Variants in LSAMP observed in about 807,000 individuals in gnomAD.
The protein encoded by LSAMP is limbic system-associated membrane protein.
A neutral mutation model predicts 38.6 loss-of-function variants in LSAMP; 7 were observed. The ratio of observed to expected loss-of-function variants is 0.18; its 90% CI spans 0.10 to 0.34. The LOEUF is 0.34. LSAMP is among the 10% of genes least tolerant of loss of function. The probability of loss-of-function intolerance (pLI) is 1.00; values close to 1 mark genes in which losing one functional copy is unlikely to be tolerated. For synonymous variants in LSAMP, 154 were observed against 166.8 expected (o/e 0.92, Z 0.59); for missense variants, 313 against 420.0 (o/e 0.75, Z 2.23).
In LSAMP at chr3:116,301,801, T is replaced by TATAG. The variant is rs938568954; in HGVS notation, c.155+143072_155+143075dup. 7.3e-4 allele frequency among the ~76,000 whole-genome samples: 111 copies of TATAG among 152,336 alleles called. 2 individuals are homozygous for TATAG. The highest frequency in any genetic ancestry group is 3.9e-4 in the Admixed American group (6 of 15,302). On this transcript the variant is annotated intron_variant, in intron 1 of 6. Coordinates refer to ENST00000490035, the MANE Select transcript of LSAMP (RefSeq NM_002338.5). Reference sequence around the variant, plus strand: ...ACTTATAAAGATAATAGTTTTTTTCTATAGATAGAGCAAGCAAGATATTTT... The same window carrying TATAG: ...ACTTATAAAGATAATAGTTTTTTTCTATAGATAGATAGAGCAAGCAAGATATTTT...
chr3:116,184,002 A>C (rs1653036354), intron 1 of LSAMP, among the ~76,000 whole-genome samples: 1 of 151,830 alleles, frequency 6.6e-6, no homozygotes. Context: ...TTTGAACAGG[A>C]GGAAAAAACA....
At chr3:116,359,193 T>G (rs1472243657) in intron 1 of LSAMP, among the ~76,000 whole-genome samples, 1 of 152,244 alleles carries the variant, frequency 6.6e-6, no homozygotes, top group Non-Finnish European at 1.5e-5. Context: ...AATACATTTG[T>G]ACTATGTGTA....
chr3:116,357,869 A>C (rs1385157982), intron 1 of LSAMP, among the ~76,000 whole-genome samples: 1 of 152,096 alleles, frequency 6.6e-6, no homozygotes, highest in Non-Finnish European at 1.5e-5. Flanking sequence ...ACATAAGGAA[A>C]ACAATAAAAC....
intron 1 of LSAMP, among the ~76,000 whole-genome samples, chr3:116,281,363 C>T (rs941513165): frequency 1.3e-5 from 2 of 152,164 alleles, no homozygotes; most frequent in Non-Finnish European, 2.9e-5. Context: ...ATTGGTGAGA[C>T]AATCCTTAGT....
At chr3:116,410,910 T>C (rs990596062) in intron 1 of LSAMP, among the ~76,000 whole-genome samples, 4 of 152,122 alleles carry the variant, frequency 2.6e-5, no homozygotes, top group African/African-American at 9.7e-5. Context: ...GCCTCTCCTA[T>C]AGCAGCTCTA....
chr3:116,270,729 T>C (rs554137394), intron 1 of LSAMP, among the ~76,000 whole-genome samples: 1 of 152,206 alleles, frequency 6.6e-6, no homozygotes, highest in Admixed American at 6.5e-5. Context: ...GGGCTCCCTG[T>C]TTATCCTGTA....
At chr3:115,836,284 G>A (rs1035505829) in intron 6 of LSAMP, among the ~76,000 whole-genome samples, 18 of 152,010 alleles carry the variant, frequency 1.2e-4, no homozygotes, top group African/African-American at 3.1e-4. Flanking sequence ...TCCTATTCAC[G>A]TATCTTTCCT....
chr3:116,102,785 ATCTG>A (rs1553703925), intron 1 of LSAMP, among the ~76,000 whole-genome samples: 34 of 151,804 alleles, frequency 2.2e-4, no homozygotes, highest in Admixed American at 1.1e-3. Context: ...CTATCTATCT[ATCTG>A]TCTGTCTGTC....
At chr3:115,900,848 A>C (rs2107481767) in intron 3 of LSAMP, among the ~76,000 whole-genome samples, 1 of 152,338 alleles carries the variant, frequency 6.6e-6, no homozygotes, top group East Asian at 1.9e-4. Flanking sequence ...GGATGAAAAC[A>C]GCTGATTTTG....
intron 2 of LSAMP, among the ~76,000 whole-genome samples, chr3:116,046,434 A>G (rs1235865012): frequency 6.6e-6 from 1 of 152,232 alleles, no homozygotes; most frequent in Non-Finnish European, 1.5e-5. Flanking sequence ...TACAGCTTGC[A>G]GAGCAATTGT....
At chr3:115,816,735 C>G in intron 6 of LSAMP, 1 of 654,760 alleles carries the variant, frequency 1.5e-6, no homozygotes, top group Non-Finnish European at 2.3e-6. Flanking sequence ...ATATTCTCCA[C>G]TGAAAGGCGA....
At chr3:116,301,802 A>ATAGAT (rs2047412718) in intron 1 of LSAMP, among the ~76,000 whole-genome samples, 1 of 151,996 alleles carries the variant, frequency 6.6e-6, no homozygotes. Flanking sequence ...GTTTTTTTCT[A>ATAGAT]TAGATAGAGC....
intron 1 of LSAMP, among the ~76,000 whole-genome samples, chr3:116,344,912 T>A (rs1379302272): frequency 6.6e-6 from 1 of 152,224 alleles, no homozygotes; most frequent in Non-Finnish European, 1.5e-5. Context: ...TTGATTTCTA[T>A]ATTATTCACG....
At chr3:116,287,416 A>G (rs1310906364) in intron 1 of LSAMP, among the ~76,000 whole-genome samples, 1 of 152,170 alleles carries the variant, frequency 6.6e-6, no homozygotes, top group Non-Finnish European at 1.5e-5. Context: ...GGTTGAGGGC[A>G]TAATAATCAG....
intron 1 of LSAMP, among the ~76,000 whole-genome samples, chr3:116,269,440 G>A (rs2046940789): frequency 6.6e-6 from 1 of 151,944 alleles, no homozygotes; most frequent in Non-Finnish European, 1.5e-5. Flanking sequence ...CACATTGCTT[G>A]GTACACAGTG....
intron 1 of LSAMP, among the ~76,000 whole-genome samples, chr3:116,217,129 C>T (rs1053913361): frequency 6.6e-6 from 1 of 152,136 alleles, no homozygotes; most frequent in Admixed American, 6.5e-5. Context: ...GATTAATTCT[C>T]ACTGCTGGTG....
rs553509358 is a variant in LSAMP at position 116,144,308 on chromosome 3, G to A, written c.156-57752C>T. ...TTCTAGAACTTTGGGAGACCAATGC[G>A]AGAGGATTGCTTGTGACCAGCCTGG... On this transcript the variant is annotated intron_variant, in intron 1 of 6. Transcript: ENST00000490035. 1.8e-4 allele frequency among the ~76,000 whole-genome samples: 28 copies of A among 152,006 alleles called. 1 individual carries two copies. The South Asian group carries it at 5.6e-3, about 30-fold the overall frequency.
At chr3:116,060,272 A>G (rs1400761349) in intron 2 of LSAMP, among the ~76,000 whole-genome samples, 1 of 150,792 alleles carries the variant, frequency 6.6e-6, no homozygotes, top group Non-Finnish European at 1.5e-5. Flanking sequence ...TATTTCTCGC[A>G]AGTCAAAGTA....
intron 2 of LSAMP, among the ~76,000 whole-genome samples, chr3:116,062,070 TA>T (rs1278871891): frequency 1.3e-5 from 2 of 152,198 alleles, no homozygotes; most frequent in Non-Finnish European, 2.9e-5. Context: ...ATTTTATATT[TA>T]AAAAACATGT....
Sources: gnomAD v4.1 joint callset for allele counts (sites outside exome capture counted in the v4.1 genomes callset) on GRCh38, gnomAD v4.1.1 for gene constraint, MANE v1.5 for transcripts, NCBI Gene and HGNC (gene_info 2026-07-23, HGNC 2026-07-21) for gene names.